KDM6A: variants seen among roughly 807,000 people sequenced by gnomAD.
KDM6A encodes lysine demethylase 6A, also known as lysine-specific demethylase 6A.
Under a neutral mutation model 117.6 loss-of-function variants are expected in KDM6A, and 11 were observed. The observed-to-expected ratio is 0.09, with a 90% CI of 0.06 to 0.15. The LOEUF is 0.15. Among genes scored for constraint, KDM6A ranks in the 10% least tolerant of loss-of-function variants. KDM6A has a pLI of 1.00. For synonymous variants in KDM6A, 384 were observed against 396.1 expected, an observed-to-expected ratio of 0.97 and a Z score of 0.36; for missense variants, 799 against 1,077.3, an observed-to-expected ratio of 0.74 and a Z score of 3.62.
In KDM6A at chrX:45,103,893, G is replaced by C. The variant is rs191210512; in HGVS notation, c.4035-3517G>C. On this transcript the variant is annotated intron_variant, in intron 27 of 29. Coordinates refer to ENST00000611820, the MANE Select transcript of KDM6A (RefSeq NM_001291415.2). ...ATCCTTAAACGTCAAAGAATTTCCT[G>C]CTTTTCTAGCTGTTGAAATCATTTT... Among the ~76,000 whole-genome samples, 175 of 112,150 alleles carry C rather than the reference G, an allele frequency of 1.6e-3. 1 individual carries two copies. The highest frequency in any genetic ancestry group is 5.5e-3 in the African/African-American group (171 of 30,909).
chrX:45,062,415 A>G (rs183368803), intron 15 of KDM6A, among the ~76,000 whole-genome samples: 134 of 112,223 alleles, frequency 1.2e-3, no homozygotes, highest in Middle Eastern at 9.3e-3. Flanking sequence ...ATGCCCATCT[A>G]TTACAAAGAA....
At chrX:45,012,394 A>T (rs958374525) in intron 5 of KDM6A, among the ~76,000 whole-genome samples, 1 of 108,008 alleles carries the variant, frequency 9.3e-6, no homozygotes, top group Non-Finnish European at 1.9e-5. Context: ...GTAGAGACGG[A>T]GTTTTACCAT....
At chrX:45,096,715 G>A (rs2046124013) in intron 27 of KDM6A, among the ~76,000 whole-genome samples, 1 of 111,525 alleles carries the variant, frequency 9.0e-6, no homozygotes, top group Non-Finnish European at 1.9e-5. Context: ...AAAATAACAG[G>A]TGCTGGCAAG....
chrX:44,883,031 T>G (rs1220590745), intron 2 of KDM6A, among the ~76,000 whole-genome samples: 1 of 110,394 alleles, frequency 9.1e-6, no homozygotes, highest in Non-Finnish European at 1.9e-5. Context: ...TGAACTCCTG[T>G]TTTCAACGGT....
chrX:44,967,183 CTAT>C (rs1190677958), intron 3 of KDM6A, among the ~76,000 whole-genome samples: 14 of 111,442 alleles, frequency 1.3e-4, no homozygotes, highest in African/African-American at 4.6e-4. Flanking sequence ...ATAAAATTCT[CTAT>C]CTGTTCTCTT....
At chrX:45,071,639 G>A (rs1262971716) in intron 18 of KDM6A, among the ~76,000 whole-genome samples, 3 of 111,275 alleles carry the variant, frequency 2.7e-5, no homozygotes, top group East Asian at 2.8e-4. Context: ...TAAATTTATC[G>A]CTTTAATTGT....
intron 2 of KDM6A, among the ~76,000 whole-genome samples, chrX:44,911,327 G>A (rs1409797285): frequency 5.5e-4 from 58 of 105,419 alleles, no homozygotes; most frequent in African/African-American, 1.6e-3. Context: ...GCTGCCGGGC[G>A]GAGGGACTCC....
chrX:44,972,615 G>A (rs965261978), intron 3 of KDM6A, among the ~76,000 whole-genome samples: 2 of 111,500 alleles, frequency 1.8e-5, no homozygotes, highest in Non-Finnish European at 3.8e-5. Context: ...TTTGGGGAAG[G>A]CAGTGTGCTG....
chrX:45,041,083 A>C (rs1340210875), intron 8 of KDM6A, among the ~76,000 whole-genome samples: 2 of 44,427 alleles, frequency 4.5e-5, no homozygotes, highest in African/African-American at 9.9e-5. Flanking sequence ...GGGCAGAGGC[A>C]CCCCTCACCT....
In KDM6A at chrX:45,089,856, A is replaced by G; in HGVS notation, c.3818A>G (p.Asn1273Ser). 8.3e-7 allele frequency: 1 copy of G among 1,211,340 alleles called. No homozygotes were observed. The highest frequency in any genetic ancestry group is 1.1e-6 in the Non-Finnish European group (1 of 895,045). The change falls in exon 26 of 30, where the codon AAT becomes AGT. Residue 1273 changes from asparagine (N) to serine (S), a missense_variant. Physicochemically the swap from Asn to Ser is conservative, Grantham distance 46 (BLOSUM62 1). Around this residue, in one of 8 missense-constraint regions of KDM6A, gnomAD observed 291 missense variants for 437.9 expected, o/e 0.66. Coordinates refer to ENST00000611820, the MANE Select transcript of KDM6A (RefSeq NM_001291415.2). ...CGACCTGGAGATTTGGTCTGGATAA[A>G]TGCAGGCACTGTTCATTGGGTTCAG... The part of the protein sequence containing the change: ...IQRPGDLVWI[N>S]AGTVHWVQAI...
At position 45,072,269 on chromosome X, in the gene KDM6A, A is replaced by T. The variant is rs1602882850; in HGVS notation, c.2858+1912A>T. 2.7e-5 allele frequency among the ~76,000 whole-genome samples: 3 copies of T among 110,897 alleles called. No individual in the cohort carries two copies. The East Asian group carries it at 8.4e-4, about 31-fold the overall frequency. ...TTCCTTAGTGACCTACAACATGGTG[A>T]TTGCTGTAATTAATCTTAACTGTCT... On this transcript the variant is annotated intron_variant, in intron 18 of 29. Coordinates refer to ENST00000611820, the MANE Select transcript of KDM6A (RefSeq NM_001291415.2).
At chrX:45,103,251 C>T (rs952774827) in intron 27 of KDM6A, among the ~76,000 whole-genome samples, 4 of 110,779 alleles carry the variant, frequency 3.6e-5, no homozygotes, top group East Asian at 5.7e-4. Context: ...AAACGTCATG[C>T]GAAGATTAAA....
chrX:44,881,893 C>G (rs2032343170), intron 2 of KDM6A, among the ~76,000 whole-genome samples: 1 of 110,053 alleles, frequency 9.1e-6, no homozygotes, highest in Admixed American at 9.8e-5. Context: ...TCACTGTGTT[C>G]GCCAGGCTGG....
intron 6 of KDM6A, among the ~76,000 whole-genome samples, chrX:45,027,608 G>A (rs1029828100): frequency 9.0e-6 from 1 of 110,810 alleles, no homozygotes; most frequent in Non-Finnish European, 1.9e-5. Flanking sequence ...ATTGGTGGTA[G>A]TTATAAAACT....
At position 44,905,171 on chromosome X, in the gene KDM6A, T is replaced by C. The variant is rs770551799; in HGVS notation, c.225+31184T>C. ...AAAGACAACATAATGACTCAGTTTC[T>C]TTATCACATACTACATACATTAACA... On this transcript the variant is annotated intron_variant, in intron 2 of 29. Coordinates refer to ENST00000611820, the MANE Select transcript of KDM6A (RefSeq NM_001291415.2). Among the ~76,000 whole-genome samples, 8 of 112,497 alleles carry C rather than the reference T, an allele frequency of 7.1e-5. No individual in the cohort carries two copies. In the South Asian group the frequency reaches 2.9e-3, roughly 41 times the overall value.
chrX:44,968,168 G>A (rs1339304961), intron 3 of KDM6A, among the ~76,000 whole-genome samples: 2 of 112,443 alleles, frequency 1.8e-5, no homozygotes, highest in African/African-American at 6.5e-5. Context: ...GCTATACCAA[G>A]TTGGGCCAAG....
In KDM6A at chrX:45,100,568, G is replaced by A. The variant is rs1427791560; in HGVS notation, c.4035-6842G>A. ...TAATGTTAGGAAGTCTCAGATTTAGGAGGAGCATATCAAATAGTATGCTGA... is the reference window on the plus strand; with the variant it reads ...TAATGTTAGGAAGTCTCAGATTTAGAAGGAGCATATCAAATAGTATGCTGA... On this transcript the variant is annotated intron_variant, in intron 27 of 29. Transcript: ENST00000611820. Among the ~76,000 whole-genome samples, 3 of 111,566 alleles carry A rather than the reference G, an allele frequency of 2.7e-5. No homozygotes were observed. The Admixed American group carries it at 2.9e-4, about 11-fold the overall frequency.
chrX:45,003,096 G>T (rs998349463), intron 4 of KDM6A, among the ~76,000 whole-genome samples: 1 of 110,817 alleles, frequency 9.0e-6, no homozygotes, highest in Non-Finnish European at 1.9e-5. Context: ...TTCCTTCCTG[G>T]TTCTGTAAGT....
At chrX:45,089,669 G>T in intron 25 of KDM6A, 74 bp from the exon 26 acceptor site, 2 of 751,065 alleles carry the variant, frequency 2.7e-6, no homozygotes, top group Admixed American at 2.9e-5. Context: ...AAAAATTTGT[G>T]ACATTTTCTT....
Sources: allele counts gnomAD v4.1 joint callset (sites outside exome capture counted in the v4.1 genomes callset), GRCh38; gene constraint gnomAD v4.1.1; regional missense constraint gnomAD v4.1.1; transcripts MANE v1.5; gene names NCBI Gene and HGNC (gene_info 2026-07-23, HGNC 2026-07-21).